The following TMEM44 variants were observed in gnomAD, a reference collection of about 807,000 sequenced individuals.
The protein encoded by TMEM44 is transmembrane protein 44.
A neutral mutation model predicts 47.8 loss-of-function variants in TMEM44; 43 were observed. That is an observed-to-expected ratio of 0.90 (90% CI 0.70 to 1.16). The LOEUF (loss-of-function observed/expected upper bound fraction) is 1.16, where lower values mean the gene tolerates loss of function less well. Among genes scored for constraint, TMEM44 ranks in the 50% most tolerant of loss-of-function variants. The probability of loss-of-function intolerance (pLI) is 0.00; values close to 1 mark genes in which losing one functional copy is unlikely to be tolerated. For missense variants in TMEM44, 568 were observed against 555.2 expected (o/e 1.02, Z -0.23); for synonymous variants, 277 against 238.8 (o/e 1.16, Z -1.48).
At chr3:194,631,160 G>A (rs1717782434) in intron 1 of TMEM44, among the ~76,000 whole-genome samples, 1 of 150,944 alleles carries the variant, frequency 6.6e-6, no homozygotes, top group Non-Finnish European at 1.5e-5. Flanking sequence ...CCTCCCGAAG[G>A]GGCTGGCTGT....
chr3:194,604,766 G>C (rs1250960915), intron 8 of TMEM44, among the ~76,000 whole-genome samples: 1 of 152,156 alleles, frequency 6.6e-6, no homozygotes, highest in African/African-American at 2.4e-5. Context: ...CTTAGAGATA[G>C]TTCTGTATCA....
intron 5 of TMEM44, among the ~76,000 whole-genome samples, chr3:194,618,822 C>T (rs1716224928): frequency 2.0e-5 from 3 of 152,318 alleles, no homozygotes; most frequent in Admixed American, 2.0e-4. Context: ...CCCTCTGCGT[C>T]CCCTCCAGTT....
chr3:194,613,019 T>C (rs1293623484), intron 7 of TMEM44, among the ~76,000 whole-genome samples: 1 of 152,202 alleles, frequency 6.6e-6, no homozygotes, highest in Non-Finnish European at 1.5e-5. Flanking sequence ...AAACTTTTGA[T>C]GAAGACAAAT....
At chr3:194,595,719 G>A (rs931546519) in intron 9 of TMEM44, among the ~76,000 whole-genome samples, 15 of 151,394 alleles carry the variant, frequency 9.9e-5, no homozygotes, top group Admixed American at 4.6e-4. Flanking sequence ...TCCGCCTCCC[G>A]GGTCCAGGTG....
chr3:194,623,773 G>C, intron 3 of TMEM44, 78 bp from the exon 4 acceptor site: 2 of 1,572,990 alleles, frequency 1.3e-6, no homozygotes, highest in Non-Finnish European at 8.7e-7. Flanking sequence ...GGGAAGAACT[G>C]GTGTCAGCTC....
At chr3:194,618,005 C>A (rs7621122) in intron 5 of TMEM44, among the ~76,000 whole-genome samples, 2,492 of 152,138 alleles carry the variant, frequency 0.016, 71 homozygotes, top group African/African-American at 0.057. Flanking sequence ...AGAAGCCCAG[C>A]AGATGCTGGC....
intron 1 of TMEM44, among the ~76,000 whole-genome samples, chr3:194,631,941 C>T (rs574225562): frequency 6.6e-6 from 1 of 152,230 alleles, no homozygotes; most frequent in Admixed American, 6.5e-5. Context: ...CAGTGCTGGT[C>T]TGAGGACAAC....
At position 194,604,369 on chromosome 3, in the gene TMEM44, G is replaced by C. The variant is rs373869816; in HGVS notation, c.1094C>G (p.Ser365Trp). The C allele has an allele frequency of 6.0e-5, 93 of 1,562,180 alleles. No homozygotes were observed. Among genetic ancestry groups the C allele is most frequent in the Middle Eastern group, 1.7e-4 (1 of 6,014 alleles). The change falls in exon 9 of 10, where the codon TCG (serine) becomes TGG (tryptophan). Residue 365 changes from serine to tryptophan, a missense_variant. Coordinates refer to ENST00000347147, the MANE Select transcript of TMEM44 (RefSeq NM_001011655.3). ...CCGGATGACCTGAACGGGAGGGTAC[G>C]ACGGGGGGTCCTGCAGGGACGCATC... ...AGDASLQDPP[S>W]YPPVQVIRAR...
At chr3:194,628,328 G>T in intron 2 of TMEM44, 55 bp downstream of exon 2, 1 of 1,571,116 alleles carries the variant, frequency 6.4e-7, no homozygotes, top group Non-Finnish European at 8.6e-7. Context: ...AGAGAGAAAG[G>T]CCAGGCCTCC....
chr3:194,627,351 T>G (rs1411667927), intron 2 of TMEM44, among the ~76,000 whole-genome samples: 3 of 152,190 alleles, frequency 2.0e-5, no homozygotes, highest in Non-Finnish European at 4.4e-5. Flanking sequence ...TGGATGGGCA[T>G]AAGACCAAGA....
intron 9 of TMEM44, 92 bp downstream of exon 9, chr3:194,604,195 T>C (rs1260824612): frequency 1.4e-6 from 2 of 1,472,004 alleles, no homozygotes; most frequent in Non-Finnish European, 1.8e-6. Flanking sequence ...GTGGATAAGA[T>C]GAGAACAGCT....
chr3:194,617,028 G>A lies in TMEM44; in HGVS notation c.783+71C>T. On this transcript the variant is annotated intron_variant, in intron 6 of 9. Transcript: ENST00000347147. ...CAAGAGAAAAGAAGGGTGGGGCAGG[G>A]GCAGTGAGAGGACGAGACACAGGCC... 4 of 1,410,410 alleles carry A rather than the reference G, an allele frequency of 2.8e-6. No individual in the cohort carries two copies. In the South Asian group the frequency reaches 6.2e-5, roughly 22 times the overall value. The allele number at this position is 1,410,410 out of a possible 1,614,324, so 87.4% of individuals were successfully genotyped here. A position where few individuals can be genotyped will look rare whatever the true frequency, so the allele number is the denominator to read the frequency against.
chr3:194,624,114 C>T (rs1716884766), intron 3 of TMEM44, among the ~76,000 whole-genome samples: 1 of 152,196 alleles, frequency 6.6e-6, no homozygotes, highest in African/African-American at 2.4e-5. Flanking sequence ...ATGGCACCAG[C>T]GGGAACTGTG....
chr3:194,603,226 G>A (rs540490225), intron 9 of TMEM44, among the ~76,000 whole-genome samples: 16 of 152,346 alleles, frequency 1.1e-4, no homozygotes, highest in Admixed American at 2.0e-4. Flanking sequence ...AAGCTGTGAC[G>A]TGTGTTTTAT....
At chr3:194,603,829 G>C (rs711980) in intron 9 of TMEM44, among the ~76,000 whole-genome samples, 141,644 of 152,244 alleles carry the variant, frequency 0.93, 65,949 homozygotes, top group East Asian at 0.97. Flanking sequence ...CTGACACACA[G>C]GGTAGGGGCC....
rs1261171872 is a variant in TMEM44 at position 194,588,180 on chromosome 3, C to T, written c.*349G>A. On this transcript the variant is annotated 3_prime_UTR_variant, in exon 10 of 10. Coordinates refer to ENST00000347147, the MANE Select transcript of TMEM44 (RefSeq NM_001011655.3). ...TTGCTATCTGTTAGGTGAGCTCATT[C>T]CTGGAACCTAGCAGGTATTCCGTTC... 1 of 231,188 alleles carries T rather than the reference C, an allele frequency of 4.3e-6. No individual in the cohort carries two copies. Among genetic ancestry groups the T allele is most frequent in the African/African-American group, 2.3e-5 (1 of 43,386 alleles). The allele number at this position is 231,188 out of a possible 1,614,324, so 14.3% of individuals were successfully genotyped here.
intron 9 of TMEM44, among the ~76,000 whole-genome samples, chr3:194,588,859 A>AT (rs1472251920): frequency 6.6e-6 from 1 of 152,074 alleles, no homozygotes; most frequent in African/African-American, 2.4e-5. Flanking sequence ...CACCCTAAAC[A>AT]TAACAGCTTC....
At chr3:194,621,091 A>C (rs1438055584) in intron 5 of TMEM44, among the ~76,000 whole-genome samples, 2 of 151,776 alleles carry the variant, frequency 1.3e-5, no homozygotes, top group Non-Finnish European at 2.9e-5. Flanking sequence ...CCTTATTTGG[A>C]AATAGGGTCT....
At chr3:194,593,285 A>G (rs1712988646) in intron 9 of TMEM44, among the ~76,000 whole-genome samples, 1 of 152,188 alleles carries the variant, frequency 6.6e-6, no homozygotes, top group Non-Finnish European at 1.5e-5. Context: ...TGAGATAGTT[A>G]TGATAATTAT....
Sources: allele counts gnomAD v4.1 joint callset (sites outside exome capture counted in the v4.1 genomes callset), GRCh38; gene constraint gnomAD v4.1.1; transcripts MANE v1.5; gene names NCBI Gene and HGNC (gene_info 2026-07-23, HGNC 2026-07-21).